Variants in AUH observed in about 807,000 individuals in gnomAD.
The protein encoded by AUH is AU RNA binding methylglutaconyl-CoA hydratase.
Under a neutral mutation model 42.3 loss-of-function variants are expected in AUH, and 29 were observed. That is an observed-to-expected ratio of 0.69 (90% CI 0.51 to 0.93). AUH has a LOEUF of 0.93. AUH is among the 40% of genes least tolerant of loss of function. AUH has a pLI of 0.00. For missense variants in AUH, 452 were observed against 438.1 expected (o/e 1.03, Z -0.28); for synonymous variants, 174 against 166.4 (o/e 1.05, Z -0.35).
intron 6 of AUH, among the ~76,000 whole-genome samples, chr9:91,244,317 CAT>C (rs1366498476): frequency 6.6e-6 from 1 of 152,198 alleles, no homozygotes; most frequent in Non-Finnish European, 1.5e-5. Flanking sequence ...GTTAAAATAA[CAT>C]TGGCCAAAGC....
chr9:91,284,094 G>A (rs531554566), intron 6 of AUH, among the ~76,000 whole-genome samples: 88 of 152,182 alleles, frequency 5.8e-4, no homozygotes, highest in African/African-American at 2.0e-3. Context: ...AAAACAGCAT[G>A]GTACTGGTAC....
intron 3 of AUH, among the ~76,000 whole-genome samples, chr9:91,333,511 CTAAATA>C (rs1374834032): frequency 2.0e-5 from 3 of 152,220 alleles, no homozygotes; most frequent in East Asian, 1.9e-4. Context: ...CTATTAAATA[CTAAATA>C]TAAACTTTTA....
chr9:91,321,592 GAATA>G lies in AUH; in HGVS notation c.505+3722_505+3725del, dbSNP rs1444234158. The stretch of plus-strand genomic sequence containing the variant: ...AATTAGAACTGAAGTGAGATTTCTT[GAATA>G]AATATAGAGGAATTAACTCCAAACA... On this transcript the variant is annotated intron_variant, in intron 4 of 9. Transcript: ENST00000375731. 9.9e-5 allele frequency among the ~76,000 whole-genome samples: 15 copies of G among 152,168 alleles called. No homozygotes were observed. The East Asian group carries it at 1.9e-3, about 20-fold the overall frequency.
chr9:91,326,506 A>C (rs1829974812), intron 3 of AUH, among the ~76,000 whole-genome samples: 1 of 152,260 alleles, frequency 6.6e-6, no homozygotes, highest in African/African-American at 2.4e-5. Context: ...TACCTGTATA[A>C]GCATGAAGGT....
intron 6 of AUH, among the ~76,000 whole-genome samples, chr9:91,272,065 TTG>T (rs921554693): frequency 6.6e-6 from 1 of 152,192 alleles, no homozygotes; most frequent in African/African-American, 2.4e-5. Context: ...TCAAATGCTT[TTG>T]TATGTTAAAT....
chr9:91,306,383 C>G (rs1433181854), intron 4 of AUH: 1 of 985,230 alleles, frequency 1.0e-6, no homozygotes, highest in Non-Finnish European at 1.2e-6. Flanking sequence ...TAACAAAACT[C>G]TTGGCATTTA....
intron 6 of AUH, among the ~76,000 whole-genome samples, chr9:91,249,545 G>GCA (rs1275050883): frequency 6.6e-6 from 1 of 151,878 alleles, no homozygotes; most frequent in Non-Finnish European, 1.5e-5. Flanking sequence ...CATAAGATCA[G>GCA]CAATATAAGA....
At chr9:91,264,289 G>A (rs1176756359) in intron 6 of AUH, among the ~76,000 whole-genome samples, 2 of 152,148 alleles carry the variant, frequency 1.3e-5, no homozygotes, top group Non-Finnish European at 2.9e-5. Context: ...TTTTCTTGCT[G>A]ATTGCTTAAA....
At chr9:91,225,402 TA>T (rs1480638690) in intron 6 of AUH, among the ~76,000 whole-genome samples, 65 of 152,242 alleles carry the variant, frequency 4.3e-4, no homozygotes, top group African/African-American at 1.5e-3. Flanking sequence ...AACTTAGAGT[TA>T]GGGGTAAAAG....
intron 3 of AUH, among the ~76,000 whole-genome samples, chr9:91,330,071 TGAA>T (rs1830219804): frequency 6.6e-6 from 1 of 152,112 alleles, no homozygotes. Flanking sequence ...TAACTGTATA[TGAA>T]GAATAGCCTA....
chr9:91,228,473 T>C (rs1827659875), intron 6 of AUH, among the ~76,000 whole-genome samples: 1 of 148,952 alleles, frequency 6.7e-6, no homozygotes, highest in Non-Finnish European at 1.5e-5. Context: ...GCTAGCGGTC[T>C]ATCAATTTTG....
rs200564356 is a variant in AUH, at chr9:91,361,750, G to C, written c.140C>G (p.Pro47Arg). The C allele has an allele frequency of 6.5e-7, 1 of 1,544,870 alleles. No homozygotes were observed. Among genetic ancestry groups the C allele is most frequent in the Admixed American group, 2.0e-5 (1 of 50,696 alleles). Reference protein sequence around the residue: ...PGSLAGRRAGPAIWAQGWVPA... With the variant: ...PGSLAGRRAGRAIWAQGWVPA... ...TACCCAGCCCTGGGCCCAGATCGCC[G>C]GGCCCGCTCGCCGGCCTGCCAACGA... Residue 47 changes from proline to arginine, a missense_variant, in exon 1 of 10, where the codon CCG (proline) becomes CGG (arginine). By Grantham distance (103) the Pro-to-Arg change is moderately radical. Transcript: ENST00000375731.
Position 91,356,107 on chromosome 9 carries a change from C to A in AUH, c.311G>T (p.Ser104Ile). 10 of 1,613,472 alleles carry A rather than the reference C, an allele frequency of 6.2e-6. No individual in the cohort carries two copies. The highest frequency in any genetic ancestry group is 8.5e-6 in the Non-Finnish European group (10 of 1,179,710). The change falls in exon 2 of 10, where the codon AGT becomes ATT. Residue 104 changes from serine to isoleucine, a missense_variant. Physicochemically the swap from Ser to Ile is moderately radical, Grantham distance 142 (BLOSUM62 -2). Coordinates refer to ENST00000375731, the MANE Select transcript of AUH (RefSeq NM_001698.3). The part of the protein sequence containing the change: ...INRAYGKNSL[S>I]KNLIKMLSKA... Reference sequence around the variant, plus strand: ...ACTCACCATTTTTATAAGATTTTTACTGAGTGAATTTTTGCCATAAGCTCT... The same window carrying A: ...ACTCACCATTTTTATAAGATTTTTAATGAGTGAATTTTTGCCATAAGCTCT...
intron 6 of AUH, among the ~76,000 whole-genome samples, chr9:91,221,332 A>C (rs1344972399): frequency 6.6e-6 from 1 of 152,228 alleles, no homozygotes; most frequent in African/African-American, 2.4e-5. Flanking sequence ...CCAGCCAGTA[A>C]GTCCACTGAC....
At chr9:91,333,545 T>A (rs1053664638) in intron 3 of AUH, among the ~76,000 whole-genome samples, 1 of 152,238 alleles carries the variant, frequency 6.6e-6, no homozygotes, top group African/African-American at 2.4e-5. Flanking sequence ...TGCATCACAA[T>A]GAGATAGATG....
At chr9:91,226,828 T>C (rs1224820008) in intron 6 of AUH, among the ~76,000 whole-genome samples, 15 of 120,716 alleles carry the variant, frequency 1.2e-4, no homozygotes, top group African/African-American at 4.1e-4. Flanking sequence ...CCATTGCTTG[T>C]TTTTCTCAGG....
chr9:91,354,417 G>C (rs1340300520), intron 3 of AUH, among the ~76,000 whole-genome samples: 1 of 152,148 alleles, frequency 6.6e-6, no homozygotes, highest in Non-Finnish European at 1.5e-5. Context: ...AGGCTAACAT[G>C]TTATTCTAAT....
chr9:91,216,737 AATGGGT>A (rs1826842268), intron 8 of AUH, among the ~76,000 whole-genome samples: 1 of 152,070 alleles, frequency 6.6e-6, no homozygotes, highest in Non-Finnish European at 1.5e-5. Context: ...AAGTCCAATA[AATGGGT>A]ATGTGCACCA....
chr9:91,263,759 T>C (rs910151268), intron 6 of AUH, among the ~76,000 whole-genome samples: 3 of 152,202 alleles, frequency 2.0e-5, no homozygotes, highest in African/African-American at 7.2e-5. Flanking sequence ...AGTAAACTTG[T>C]ATCTAGGTTT....
Sources: allele counts gnomAD v4.1 joint callset (sites outside exome capture counted in the v4.1 genomes callset), GRCh38; gene constraint gnomAD v4.1.1; transcripts MANE v1.5; gene names NCBI Gene and HGNC (gene_info 2026-07-23, HGNC 2026-07-21).